DCHS1: variants seen among roughly 807,000 people sequenced by gnomAD.
DCHS1 encodes dachsous cadherin-related 1, also known as protocadherin-16.
A neutral mutation model predicts 213.9 loss-of-function variants in DCHS1; 78 were observed. The observed-to-expected ratio is 0.36, with a 90% CI of 0.30 to 0.44. The LOEUF is 0.44. Ranked by LOEUF, DCHS1 falls within the 20% of genes least tolerant of loss-of-function variation. DCHS1 has a pLI of 1.00. For synonymous variants in DCHS1, 1,828 were observed against 1,873.7 expected (o/e 0.98, Z 0.63); for missense variants, 3,946 against 4,395.9 (o/e 0.90, Z 2.89).
chr11:6,640,813 G>A lies in DCHS1; in HGVS notation c.801C>T (p.Ser267=), dbSNP rs1230373064. ...QSRYHAVVSE[S]LAPGSPVLQV... is the part of the protein sequence containing the mutation. ...GCAAGACAGGACTGCCAGGGGCCAG[G>A]CTCTCAGACACCACAGCATGGTAGC... Residue 267 remains serine, a synonymous_variant, in exon 2 of 21, where the codon AGC becomes AGT. Transcript: ENST00000299441. The surrounding 1 kb of genome is among the most constrained non-coding windows in gnomAD (Gnocchi z 6.5). 6.2e-7 allele frequency: 1 copy of A among 1,613,954 alleles called. No homozygotes were observed. The highest frequency in any genetic ancestry group is 1.3e-5 in the African/African-American group (1 of 74,934).
chr11:6,623,106 G>A lies in DCHS1; in HGVS notation c.8570C>T (p.Pro2857Leu). 1 of 1,604,356 alleles carries A rather than the reference G, an allele frequency of 6.2e-7. No homozygotes were observed. ...LVLYSLATSS[P>L]YFGINQTTGA... Reference sequence around the variant, plus strand: ...TGTAGTCTGGTTAATACCAAAATAGGGGGAAGAGGTGGCAAGGGAATACAG... The same window carrying A: ...TGTAGTCTGGTTAATACCAAAATAGAGGGAAGAGGTGGCAAGGGAATACAG... Residue 2857 changes from proline (P) to leucine (L), a missense_variant, in exon 21 of 21, where the codon CCC becomes CTC. Around this residue, in one of 3 missense-constraint regions of DCHS1, gnomAD observed 554 missense variants for 590.2 expected, o/e 0.94. Transcript: ENST00000299441.
At chr11:6,654,939 C>T (rs1856292932) in intron 1 of DCHS1, among the ~76,000 whole-genome samples, 1 of 152,114 alleles carries the variant, frequency 6.6e-6, no homozygotes, top group African/African-American at 2.4e-5. Context: ...CTGGGTATCC[C>T]AGACACAAAC....
chr11:6,655,464 G>T (rs1356192123), intron 1 of DCHS1, 99 bp downstream of exon 1: 2 of 833,514 alleles, frequency 2.4e-6, no homozygotes, highest in East Asian at 1.3e-4. Context: ...CTCCGGCTCA[G>T]AACAAAGCCC....
chr11:6,635,728 A>G (rs760584904), intron 2 of DCHS1, among the ~76,000 whole-genome samples: 9 of 152,198 alleles, frequency 5.9e-5, no homozygotes, highest in Non-Finnish European at 1.0e-4. Flanking sequence ...GGCAGGCAGC[A>G]GCACAGCTGC....
intron 12 of DCHS1, 144 bp downstream of exon 12, chr11:6,629,307 CT>C: frequency 1.9e-5 from 22 of 1,168,708 alleles, no homozygotes; most frequent in Non-Finnish European, 2.6e-5. Context: ...AAACTCTCGA[CT>C]CCCCAAAAGG....
Position 6,623,509 on chromosome 11 carries a change from T to C in DCHS1, c.8167A>G (p.Thr2723Ala). 2 of 1,600,950 alleles carry C rather than the reference T, an allele frequency of 1.2e-6. No individual in the cohort carries two copies. The highest frequency in any genetic ancestry group is 1.7e-6 in the Non-Finnish European group (2 of 1,173,874). ...TSVAENQPPG[T>A]LVTTLHAIDG... ...ATTGCATGCAGAGTGGTCACGAGAG[T>C]GCCTGGAGGCTGATTCTCGGCCACG... The change falls in exon 21 of 21, where the codon ACT (threonine) becomes GCT (alanine). Residue 2723 changes from threonine to alanine, a missense_variant. Thr to Ala is a moderately conservative substitution (Grantham distance 58). Coordinates refer to ENST00000299441, the MANE Select transcript of DCHS1 (RefSeq NM_003737.4).
chr11:6,630,844 A>G lies in DCHS1; in HGVS notation c.3950T>C (p.Leu1317Ser). ...TGCGAGATCTGGGGGCGGCTCGGCC[A>G]AGCGAGCTGAGGGAAGCACCTGTTG... ...LLVQVLPSAR[L>S]AEPPPDLAER... Residue 1317 changes from leucine to serine, a missense_variant, in exon 10 of 21, where the codon TTG becomes TCG. Physicochemically the swap from Leu to Ser is moderately radical, Grantham distance 145. Transcript: ENST00000299441. The G allele has an allele frequency of 6.6e-7, 1 of 1,526,664 alleles. No homozygotes were observed. Among genetic ancestry groups the G allele is most frequent in the Non-Finnish European group, 8.8e-7 (1 of 1,132,886 alleles). The allele number at this position is 1,526,664 out of a possible 1,614,324, so 94.6% of individuals were successfully genotyped here.
At position 6,629,921 on chromosome 11, in the gene DCHS1, C is replaced by A; in HGVS notation, c.4796-10G>T. On this transcript the variant is annotated splice_polypyrimidine_tract_variant and intron_variant, in intron 10 of 20. Coordinates refer to ENST00000299441, the MANE Select transcript of DCHS1 (RefSeq NM_003737.4). ...ACCACGGACAGCGCTCCTAGGTGAG[C>A]GGTAAGGCAGGTTGGTGGGGACCCC... 6.2e-7 allele frequency: 1 copy of A among 1,609,072 alleles called. No homozygotes were observed.
At position 6,655,725 on chromosome 11, in the gene DCHS1, C is replaced by A. The variant is rs1402245630; in HGVS notation, c.-283G>T. ...TCCGGGCAGCCGCCGTCGGTCCGCG[C>A]GCCCTTGGCCGTCGATCGGTCCGTC... On this transcript the variant is annotated 5_prime_UTR_variant, in exon 1 of 21. Coordinates refer to ENST00000299441, the MANE Select transcript of DCHS1 (RefSeq NM_003737.4). 2 of 980,556 alleles carry A rather than the reference C, an allele frequency of 2.0e-6. No individual in the cohort carries two copies. The highest frequency in any genetic ancestry group is 4.7e-5 in the South Asian group (1 of 21,296). 60.7% of individuals were successfully genotyped at this position (980,556 alleles called of 1,614,324 possible).
rs745532535 is a variant in DCHS1 at position 6,621,830 on chromosome 11, G to C, written c.9846C>G (p.Leu3282=). The C allele has an allele frequency of 6.2e-7, 1 of 1,608,972 alleles. No homozygotes were observed. The highest frequency in any genetic ancestry group is 1.1e-5 in the South Asian group (1 of 89,912). The change falls in exon 21 of 21, where the codon CTC becomes CTG. Residue 3282 remains leucine (L), a synonymous_variant. Coordinates refer to ENST00000299441, the MANE Select transcript of DCHS1 (RefSeq NM_003737.4). Reference sequence around the variant, plus strand: ...GTGGCTCCAGGCCAGACTCTGCGCTGAGTGCTGAGGCTGAGGGACCCTGGG... The same window carrying C: ...GTGGCTCCAGGCCAGACTCTGCGCTCAGTGCTGAGGCTGAGGGACCCTGGG... ...GVAQGPSASA[L]SAESGLEPPD...
At position 6,626,934 on chromosome 11, in the gene DCHS1, G is replaced by A; in HGVS notation, c.6105C>T (p.Val2035=). Residue 2035 remains valine (V), a synonymous_variant, in exon 14 of 21, where the codon GTC becomes GTT. Coordinates refer to ENST00000299441, the MANE Select transcript of DCHS1 (RefSeq NM_003737.4). This position sits in a 1 kb window ranked among gnomAD's most constrained non-coding sequence, Gnocchi z 5.2. The part of the protein sequence containing the change: ...SPVALGPRDR[V]LFIVATDLGR... ...CAAGATCAGTGGCCACAATGAAGAG[G>A]ACACGATCTCGGGGGCCTAGAGCTA... 6.2e-7 allele frequency: 1 copy of A among 1,613,730 alleles called. No homozygotes were observed. Among genetic ancestry groups the A allele is most frequent in the Non-Finnish European group, 8.5e-7 (1 of 1,179,902 alleles).
rs757509870 is a variant in DCHS1, at chr11:6,623,138, G to T, written c.8538C>A (p.Gly2846=). 3.1e-6 allele frequency: 5 copies of T among 1,608,726 alleles called. No homozygotes were observed. The Admixed American group carries it at 6.7e-5, about 22-fold the overall frequency. ...AGGTGGCAAGGGAATACAGAACCAG[G>T]CCATCGGCACCCCCATCCTCATCTG... The part of the protein sequence containing the change: ...QATDEDGGAD[G]LVLYSLATSS... The change falls in exon 21 of 21, where the codon GGC becomes GGA. Residue 2846 remains glycine, a synonymous_variant. Coordinates refer to ENST00000299441, the MANE Select transcript of DCHS1 (RefSeq NM_003737.4).
chr11:6,624,194 G>A lies in DCHS1; in HGVS notation c.7482C>T (p.Asp2494=), dbSNP rs1223212318. ...LSHYRVAVTE[D]LPPGSTLLTL... ...TGAGCAGAGTGGAGCCAGGGGGCAGGTCTTCAGTCACAGCCACACGGTAGT... is the reference window on the plus strand; with the variant it reads ...TGAGCAGAGTGGAGCCAGGGGGCAGATCTTCAGTCACAGCCACACGGTAGT... The change falls in exon 21 of 21, where the codon GAC becomes GAT. Residue 2494 remains aspartate (D), a synonymous_variant. Transcript: ENST00000299441. 1 of 1,613,354 alleles carries A rather than the reference G, an allele frequency of 6.2e-7. No individual in the cohort carries two copies. The highest frequency in any genetic ancestry group is 1.1e-5 in the South Asian group (1 of 91,038).
Position 6,622,775 on chromosome 11 carries a change from C to T in DCHS1, c.8901G>A (p.Lys2967=), listed in dbSNP as rs140276142. 917 of 1,592,522 alleles carry T rather than the reference C, an allele frequency of 5.8e-4. 1 individual carries two copies. Among genetic ancestry groups the T allele is most frequent in the Non-Finnish European group, 7.2e-4 (845 of 1,169,832 alleles). The change falls in exon 21 of 21, where the codon AAG becomes AAA. Residue 2967 remains lysine (K), a synonymous_variant. Coordinates refer to ENST00000299441, the MANE Select transcript of DCHS1 (RefSeq NM_003737.4). This position sits in a 1 kb window ranked among gnomAD's most constrained non-coding sequence, Gnocchi z 5.4. ...ACATTGGGCCAGGGGCTGCCTCAGCCTTGCGGCTACGGGCCCGAACAAGTC... is the reference window on the plus strand; with the variant it reads ...ACATTGGGCCAGGGGCTGCCTCAGCTTTGCGGCTACGGGCCCGAACAAGTC... ...VLGLVRARSR[K]AEAAPGPMSQ... is the part of the protein sequence containing the mutation.
In DCHS1 at chr11:6,622,918, C is replaced by T. The variant is rs115534913; in HGVS notation, c.8758G>A (p.Val2920Met). 1,201 of 1,593,348 alleles carry T rather than the reference C, an allele frequency of 7.5e-4. 9 individuals are homozygous for T. The African/African-American group carries it at 0.013, about 17-fold the overall frequency. The change falls in exon 21 of 21, where the codon GTG becomes ATG. Residue 2920 changes from valine (V) to methionine (M), a missense_variant. By Grantham distance (21) the Val-to-Met change is conservative. Transcript: ENST00000299441. The surrounding 1 kb of genome is among the most constrained non-coding windows in gnomAD (Gnocchi z 5.4). ...CCCAGTGCGGTGTGGGTGATATCCA[C>T]GGTCACAGGCACTGTGGCACTCCGG... ...GSRSATVPVT[V>M]DITHTALGLA...
Position 6,623,294 on chromosome 11 carries a change from T to C in DCHS1, c.8382A>G (p.Ser2794=), listed in dbSNP as rs1331554485. 6.3e-7 allele frequency: 1 copy of C among 1,589,314 alleles called. No individual in the cohort carries two copies. The highest frequency in any genetic ancestry group is 2.3e-5 in the East Asian group (1 of 43,494). Residue 2794 remains serine, a synonymous_variant, in exon 21 of 21, where the codon TCA becomes TCG. Coordinates refer to ENST00000299441, the MANE Select transcript of DCHS1 (RefSeq NM_003737.4). ...LVGAADAGNL[S]ASVTVSVLVT... Reference sequence around the variant, plus strand: ...CTAGCACCGACACAGTGACAGAGGCTGAGAGATTCCCAGCATCAGCAGCAC... The same window carrying C: ...CTAGCACCGACACAGTGACAGAGGCCGAGAGATTCCCAGCATCAGCAGCAC...
intron 1 of DCHS1, among the ~76,000 whole-genome samples, chr11:6,650,246 A>AT (rs1339757385): frequency 6.6e-6 from 1 of 152,234 alleles, no homozygotes; most frequent in Admixed American, 6.5e-5. Context: ...ACACTGCAGC[A>AT]TACTAAGTGA....
intron 2 of DCHS1, among the ~76,000 whole-genome samples, chr11:6,638,712 T>A (rs191145399): frequency 5.3e-4 from 80 of 152,330 alleles, no homozygotes; most frequent in African/African-American, 1.9e-3. Flanking sequence ...TTGTCTCTTT[T>A]CTTTGTTCTC....
At chr11:6,643,606 T>C (rs1299543304) in intron 1 of DCHS1, among the ~76,000 whole-genome samples, 3 of 152,206 alleles carry the variant, frequency 2.0e-5, no homozygotes, top group Non-Finnish European at 4.4e-5. Flanking sequence ...TCCTTCACAA[T>C]TGGTGCTTTT....
Sources: allele counts gnomAD v4.1 joint callset (sites outside exome capture counted in the v4.1 genomes callset), GRCh38; gene constraint gnomAD v4.1.1; regional missense constraint gnomAD v4.1.1; non-coding constraint Gnocchi (gnomAD v3.1); transcripts MANE v1.5; gene names NCBI Gene and HGNC (gene_info 2026-07-23, HGNC 2026-07-21).